UTP18: variants seen among roughly 807,000 people sequenced by gnomAD.
UTP18 encodes the protein UTP18 small subunit processome component.
In UTP18, 36 loss-of-function variants were observed where a neutral mutation model predicts 61.1. The observed-to-expected ratio is 0.59, with a 90% CI of 0.45 to 0.78. The LOEUF (loss-of-function observed/expected upper bound fraction) is 0.78, where lower values mean the gene tolerates loss of function less well. Among genes scored for constraint, UTP18 ranks in the 30% least tolerant of loss-of-function variants. The pLI is 0.00. For missense variants in UTP18, 753 were observed against 693.9 expected, an observed-to-expected ratio of 1.09 and a Z score of -0.96; for synonymous variants, 282 against 251.1, an observed-to-expected ratio of 1.12 and a Z score of -1.16.
At position 51,260,554 on chromosome 17, in the gene UTP18, TGAGCGCCTGCGTTTCTCCTC is replaced by T. The variant is rs775608016; in HGVS notation, c.-30_-11del. 6.3e-7 allele frequency: 1 copy of T among 1,594,340 alleles called. No homozygotes were observed. The highest frequency in any genetic ancestry group is 1.4e-5 in the African/African-American group (1 of 73,742). ...GGCGCATGCGCAGCGAGGTTCCACG[TGAGCGCCTGCGTTTCTCCTC>T]AAACCTAACGATGCCGCCGGAGCGG... On this transcript the variant is annotated 5_prime_UTR_variant, in exon 1 of 14. Transcript: ENST00000225298.
intron 7 of UTP18, among the ~76,000 whole-genome samples, chr17:51,279,325 T>C (rs1461576953): frequency 6.6e-6 from 1 of 152,198 alleles, no homozygotes; most frequent in Non-Finnish European, 1.5e-5. Context: ...AGGAGTCCCC[T>C]GTATAGTCAA....
rs1267979420 is a variant in UTP18, at chr17:51,260,827, G to A, written c.243G>A (p.Glu81=). ...GGCAGCGGAACCGCCTGAGGCTGGA[G>A]GAGGACAAACCGGCCGTGGAGCGGT... ...RLRQRNRLRL[E]EDKPAVERCL... is the part of the protein sequence containing the mutation. Residue 81 remains glutamate, a synonymous_variant, in exon 1 of 14, where the codon GAG becomes GAA. Transcript: ENST00000225298. The A allele has an allele frequency of 6.3e-7, 1 of 1,596,764 alleles. No homozygotes were observed. Among genetic ancestry groups the A allele is most frequent in the Middle Eastern group, 1.8e-4 (1 of 5,504 alleles).
At chr17:51,277,344 C>T (rs371571229) in intron 7 of UTP18, 40 bp downstream of exon 7, 1 of 1,603,836 alleles carries the variant, frequency 6.2e-7, no homozygotes, top group Non-Finnish European at 8.5e-7. Flanking sequence ...GTCATTCCCC[C>T]CAAGGTGAGT....
At chr17:51,282,548 T>C (rs1904972616) in intron 9 of UTP18, among the ~76,000 whole-genome samples, 1 of 151,900 alleles carries the variant, frequency 6.6e-6, no homozygotes, top group Non-Finnish European at 1.5e-5. Flanking sequence ...AAAGAATTAG[T>C]TCAGAGTAAT....
intron 9 of UTP18, among the ~76,000 whole-genome samples, chr17:51,284,965 G>A (rs541729912): frequency 6.6e-6 from 1 of 151,962 alleles, no homozygotes; most frequent in East Asian, 1.9e-4. Context: ...GGAGGCTGAG[G>A]CAGGAAAATC....
intron 1 of UTP18, 51 bp from the exon 2 acceptor site, chr17:51,263,223 A>G (rs764387373): frequency 6.7e-7 from 1 of 1,493,754 alleles, no homozygotes; most frequent in South Asian, 1.1e-5. Flanking sequence ...ATGTGTCTGC[A>G]GTCATGGGAT....
intron 7 of UTP18, among the ~76,000 whole-genome samples, chr17:51,279,416 T>C (rs1268042338): frequency 6.6e-6 from 1 of 152,210 alleles, no homozygotes; most frequent in Non-Finnish European, 1.5e-5. Context: ...TCATATATGA[T>C]TTGGTTACAT....
chr17:51,272,014 C>G (rs1372385039), intron 4 of UTP18, among the ~76,000 whole-genome samples: 2 of 152,010 alleles, frequency 1.3e-5, no homozygotes, highest in Admixed American at 1.3e-4. Context: ...TCTAGAATTT[C>G]TTTTTCAAAT....
In UTP18 at chr17:51,280,401, A is replaced by T. The variant is rs776463800; in HGVS notation, c.1126A>T (p.Ile376Phe). The change falls in exon 9 of 14, where the codon ATT (isoleucine) becomes TTT (phenylalanine). Residue 376 changes from isoleucine (I) to phenylalanine (F), a missense_variant. By Grantham distance (21) the Ile-to-Phe change is conservative. Coordinates refer to ENST00000225298, the MANE Select transcript of UTP18 (RefSeq NM_016001.3). ...HLLAMKTKEL[I>F]GSMKINGRVA... Reference sequence around the variant, plus strand: ...TTTATTGTTTTAGACCAAAGAACTGATTGGAAGCATGAAAATTAATGGAAG... The same window carrying T: ...TTTATTGTTTTAGACCAAAGAACTGTTTGGAAGCATGAAAATTAATGGAAG... The T allele has an allele frequency of 1.1e-5, 17 of 1,614,010 alleles. No homozygotes were observed. The highest frequency in any genetic ancestry group is 1.4e-5 in the Non-Finnish European group (16 of 1,179,974).
chr17:51,284,133 C>T (rs1176016163), intron 9 of UTP18, among the ~76,000 whole-genome samples: 4 of 152,224 alleles, frequency 2.6e-5, no homozygotes, highest in Non-Finnish European at 5.9e-5. Context: ...TGTTTTACTA[C>T]TGCTTAACCT....
intron 12 of UTP18, 116 bp from the exon 13 acceptor site, chr17:51,296,849 A>G: frequency 1.0e-6 from 1 of 959,740 alleles, no homozygotes; most frequent in South Asian, 1.6e-5. Flanking sequence ...GGTGTGAATG[A>G]TTGTGATTAC....
chr17:51,296,978 T>C lies in UTP18; in HGVS notation c.1660T>C (p.Ser554Pro), dbSNP rs1905383989. 1 of 1,607,172 alleles carries C rather than the reference T, an allele frequency of 6.2e-7. No homozygotes were observed. Among genetic ancestry groups the C allele is most frequent in the Non-Finnish European group, 8.5e-7 (1 of 1,177,440 alleles). The change falls in exon 13 of 14, where the codon TCA (serine) becomes CCA (proline). Residue 554 changes from serine (S) to proline (P), a missense_variant. Transcript: ENST00000225298. ...KALMYRLHHY[S>P]DF ...TTACTTTTCCAGGTTGCACCATTAC[T>C]CAGACTTCTAAAGAGACTATTTGAA...
chr17:51,277,076 A>G (rs1452833291), intron 6 of UTP18, 54 bp from the exon 7 acceptor site: 6 of 1,556,660 alleles, frequency 3.9e-6, no homozygotes, highest in Non-Finnish European at 5.3e-6. Flanking sequence ...ATATACTACC[A>G]GGATACAGGG....
intron 9 of UTP18, among the ~76,000 whole-genome samples, chr17:51,280,999 A>G (rs1904897355): frequency 6.6e-6 from 1 of 151,652 alleles, no homozygotes; most frequent in East Asian, 1.9e-4. Context: ...CCAACATGGT[A>G]AGACCCTGTC....
At chr17:51,277,402 A>G in intron 7 of UTP18, 98 bp downstream of exon 7, 1 of 1,333,726 alleles carries the variant, frequency 7.5e-7, no homozygotes, top group Admixed American at 2.4e-5. Flanking sequence ...AGGATTCTTA[A>G]AAATAAGAGT....
Position 51,296,948 on chromosome 17 carries a change from A to AT in UTP18, c.1647-11dup, listed in dbSNP as rs772899735. ...AATTACAAAGTTGTTCAGATGACTT[A>AT]TTTTTTACTTTTCCAGGTTGCACCA... On this transcript the variant is annotated splice_polypyrimidine_tract_variant and intron_variant, in intron 12 of 13. Transcript: ENST00000225298. 7 of 1,604,512 alleles carry AT rather than the reference A, an allele frequency of 4.4e-6. No homozygotes were observed. In the Admixed American group the frequency reaches 8.6e-5, roughly 20 times the overall value.
chr17:51,281,693 G>C (rs900229235), intron 9 of UTP18, among the ~76,000 whole-genome samples: 1 of 152,042 alleles, frequency 6.6e-6, no homozygotes, highest in Non-Finnish European at 1.5e-5. Flanking sequence ...TTGTAATGTT[G>C]TCCTGTAGTT....
At position 51,285,563 on chromosome 17, in the gene UTP18, C is replaced by T. The variant is rs561811597; in HGVS notation, c.1328+195C>T. ...TTGAATAATAATATTACAGTAGTTCCCCCCTTATCTGCAGTTTCACTGTTT... is the reference window on the plus strand; with the variant it reads ...TTGAATAATAATATTACAGTAGTTCTCCCCTTATCTGCAGTTTCACTGTTT... On this transcript the variant is annotated intron_variant, in intron 10 of 13. Coordinates refer to ENST00000225298, the MANE Select transcript of UTP18 (RefSeq NM_016001.3). Among the ~76,000 whole-genome samples, 12 of 152,158 alleles carry T rather than the reference C, an allele frequency of 7.9e-5. 1 individual carries two copies. In the East Asian group the frequency reaches 2.3e-3, roughly 29 times the overall value.
chr17:51,294,142 T>C, intron 12 of UTP18, 97 bp downstream of exon 12: 2 of 1,041,786 alleles, frequency 1.9e-6, no homozygotes, highest in Non-Finnish European at 2.6e-6. Flanking sequence ...AGTTAATAAA[T>C]TCTAGTCTGT....
Sources: allele counts gnomAD v4.1 joint callset (sites outside exome capture counted in the v4.1 genomes callset), GRCh38; gene constraint gnomAD v4.1.1; transcripts MANE v1.5; gene names NCBI Gene and HGNC (gene_info 2026-07-23, HGNC 2026-07-21).